MIS18BP1: variants seen among roughly 807,000 people sequenced by gnomAD.
MIS18BP1 encodes the protein MIS18 binding protein 1, also known as mis18-binding protein 1.
A neutral mutation model predicts 116.1 loss-of-function variants in MIS18BP1; 72 were observed. The ratio of observed to expected loss-of-function variants is 0.62; its 90% confidence interval spans 0.51 to 0.75. The LOEUF is 0.75. MIS18BP1 is among the 30% of genes least tolerant of loss of function. The pLI is 0.00. For synonymous variants in MIS18BP1, 386 were observed against 427.0 expected (o/e 0.90, Z 1.18); for missense variants, 1,363 against 1,303.2 (o/e 1.05, Z -0.71).
At chr14:45,206,393 C>G in intron 14 of MIS18BP1, 2 of 402,668 alleles carry the variant, frequency 5.0e-6, no homozygotes, top group Non-Finnish European at 9.1e-6. Context: ...CTCAAGTGAT[C>G]CTCCCAACTC....
chr14:45,221,303 C>G (rs954151864), intron 11 of MIS18BP1, among the ~76,000 whole-genome samples: 1 of 148,798 alleles, frequency 6.7e-6, no homozygotes, highest in African/African-American at 2.5e-5. Context: ...CCGGCGTGGT[C>G]GCGGGCGCCT....
intron 10 of MIS18BP1, 104 bp from the exon 11 acceptor site, chr14:45,224,850 T>A: frequency 3.3e-6 from 3 of 895,732 alleles, no homozygotes; most frequent in Non-Finnish European, 4.9e-6. Flanking sequence ...ACTATTTTTA[T>A]CCACGAGCTA....
At chr14:45,249,786 A>G (rs1891819135) in intron 1 of MIS18BP1, among the ~76,000 whole-genome samples, 1 of 152,050 alleles carries the variant, frequency 6.6e-6, no homozygotes, top group African/African-American at 2.4e-5. Flanking sequence ...CAGGAGAATC[A>G]CTTGAACCTG....
chr14:45,220,596 T>G (rs1412506284), intron 11 of MIS18BP1, among the ~76,000 whole-genome samples: 1 of 152,180 alleles, frequency 6.6e-6, no homozygotes, highest in East Asian at 1.9e-4. Flanking sequence ...ATATAGTGTA[T>G]AACCCTTTGA....
Position 45,204,400 on chromosome 14 carries a change from T to A in MIS18BP1, c.3294A>T (p.Thr1098=), listed in dbSNP as rs1374670527. Reference sequence around the variant, plus strand: ...AAAAGAAAGCTGTAAGTGTATTACCTGTGTTAAATGGGGTTTTCCTTCTTG... The same window carrying A: ...AAAAGAAAGCTGTAAGTGTATTACCAGTGTTAAATGGGGTTTTCCTTCTTG... ...PTPRRKTPFN[T]DLGENSGIGK... is the part of the protein sequence containing the mutation. Residue 1098 remains threonine (T), a splice_region_variant and synonymous_variant, in exon 16 of 17, where the codon ACA becomes ACT. Transcript: ENST00000310806. 5 of 1,605,102 alleles carry A rather than the reference T, an allele frequency of 3.1e-6. No individual in the cohort carries two copies. In the African/African-American group the frequency reaches 6.7e-5, roughly 22 times the overall value.
chr14:45,216,073 T>C (rs1441175890), intron 13 of MIS18BP1, among the ~76,000 whole-genome samples: 1 of 152,206 alleles, frequency 6.6e-6, no homozygotes, highest in African/African-American at 2.4e-5. Context: ...CATTTAATAT[T>C]TGTATTGTAT....
In MIS18BP1 at chr14:45,235,901, G is replaced by A. The variant is rs1891416222; in HGVS notation, c.1261C>T (p.Arg421Trp). ...IYWHSNVIIERIEHNKLRTIS... is the reference protein window; with the variant it reads ...IYWHSNVIIEWIEHNKLRTIS... ...GTCCTAAGTTTGTTGTGCTCAATCC[G>A]CTCTATAATTACATTACTGTGCCAA... Residue 421 changes from arginine to tryptophan, a missense_variant, in exon 6 of 17, where the codon CGG becomes TGG. Transcript: ENST00000310806. 1 of 1,610,968 alleles carries A rather than the reference G, an allele frequency of 6.2e-7. No individual in the cohort carries two copies. Among genetic ancestry groups the A allele is most frequent in the Non-Finnish European group, 8.5e-7 (1 of 1,178,440 alleles).
intron 9 of MIS18BP1, among the ~76,000 whole-genome samples, chr14:45,227,200 A>G (rs1480721834): frequency 1.3e-5 from 2 of 152,192 alleles, no homozygotes; most frequent in Non-Finnish European, 2.9e-5. Context: ...GTAAATGAAA[A>G]GCTGATACTT....
intron 1 of MIS18BP1, among the ~76,000 whole-genome samples, chr14:45,248,342 C>G (rs1057398137): frequency 1.3e-5 from 2 of 152,068 alleles, no homozygotes; most frequent in Non-Finnish European, 2.9e-5. Context: ...GCTGGGGTTA[C>G]AGGTGTGAGC....
At position 45,247,132 on chromosome 14, in the gene MIS18BP1, G is replaced by T; in HGVS notation, c.155C>A (p.Ser52Tyr). ...VKDLVKYQNS[S>Y]LKLNDHKKNQ... is the part of the protein sequence containing the mutation. The stretch of plus-strand genomic sequence containing the variant: ...CTTTTTATGGTCATTCAATTTTAAG[G>T]AGGAGTTCTGATATTTCACCAAATC... The change falls in exon 2 of 17, where the codon TCC becomes TAC. Residue 52 changes from serine to tyrosine, a missense_variant. Ser to Tyr is a moderately radical substitution (Grantham distance 144, BLOSUM62 -2). Coordinates refer to ENST00000310806, the MANE Select transcript of MIS18BP1 (RefSeq NM_018353.5). 6.3e-7 allele frequency: 1 copy of T among 1,597,706 alleles called. No homozygotes were observed. The highest frequency in any genetic ancestry group is 1.1e-5 in the South Asian group (1 of 89,912).
intron 5 of MIS18BP1, among the ~76,000 whole-genome samples, chr14:45,237,015 T>C (rs1891448168): frequency 1.4e-5 from 2 of 138,888 alleles, no homozygotes; most frequent in African/African-American, 6.5e-5. Context: ...GTTATAACTT[T>C]TTTTTTTTTT....
chr14:45,206,842 A>T (rs1269473322), intron 14 of MIS18BP1, among the ~76,000 whole-genome samples: 1 of 152,002 alleles, frequency 6.6e-6, no homozygotes, highest in Non-Finnish European at 1.5e-5. Context: ...TTGCTATACC[A>T]TTATCTCTCC....
chr14:45,249,394 A>C (rs1034847168), intron 1 of MIS18BP1, among the ~76,000 whole-genome samples: 1 of 151,566 alleles, frequency 6.6e-6, no homozygotes, highest in African/African-American at 2.4e-5. Flanking sequence ...GTTTTTTTAC[A>C]TTTTTTTGTA....
Position 45,231,372 on chromosome 14 carries a change from T to G in MIS18BP1, c.1437-74A>C, listed in dbSNP as rs1467342222. The G allele has an allele frequency of 3.7e-6, 5 of 1,346,666 alleles. No homozygotes were observed. In the East Asian group the frequency reaches 1.2e-4, roughly 33 times the overall value. 83.4% of individuals were successfully genotyped at this position (1,346,666 alleles called of 1,614,324 possible). ...ACAAAACAAAAAAAATCTTCATAAA[T>G]AAATAAAAACCCCTCACATAAAGCT... On this transcript the variant is annotated intron_variant, in intron 7 of 16. Coordinates refer to ENST00000310806, the MANE Select transcript of MIS18BP1 (RefSeq NM_018353.5).
Position 45,218,386 on chromosome 14 carries a change from C to A in MIS18BP1, c.2738G>T (p.Arg913Leu). ...TTTCCTCTGGCATTCTTCAGGAGAT[C>A]GAGAACCTACAGCCGCAGCTACCTC... ...WSEVAAAVGS[R>L]SPEECQRKYM... Residue 913 changes from arginine to leucine, a missense_variant, in exon 12 of 17, where the codon CGA (arginine) becomes CTA (leucine). By Grantham distance (102) the Arg-to-Leu change is moderately radical (BLOSUM62 -2). Transcript: ENST00000310806. 6.2e-7 allele frequency: 1 copy of A among 1,613,900 alleles called. No homozygotes were observed. Among genetic ancestry groups the A allele is most frequent in the Non-Finnish European group, 8.5e-7 (1 of 1,179,980 alleles).
At chr14:45,218,503 C>A in intron 11 of MIS18BP1, 49 bp from the exon 12 acceptor site, 1 of 1,504,534 alleles carries the variant, frequency 6.6e-7, no homozygotes, top group Non-Finnish European at 8.9e-7. Flanking sequence ...AAACCAATGA[C>A]AATAACCTCT....
At chr14:45,241,962 A>G in intron 4 of MIS18BP1, 72 bp downstream of exon 4, 1 of 1,456,384 alleles carries the variant, frequency 6.9e-7, no homozygotes, top group Non-Finnish European at 9.2e-7. Context: ...TAATGAGAGA[A>G]CATTAAAAGC....
chr14:45,239,463 G>A (rs917173120), intron 4 of MIS18BP1, among the ~76,000 whole-genome samples: 3 of 151,484 alleles, frequency 2.0e-5, no homozygotes, highest in Admixed American at 6.6e-5. Flanking sequence ...TAAGCACAGA[G>A]AGTCAGCGCA....
chr14:45,246,588 G>A (rs762090536), intron 2 of MIS18BP1, among the ~76,000 whole-genome samples, 155 bp downstream of exon 2: 1 of 152,074 alleles, frequency 6.6e-6, no homozygotes, highest in Non-Finnish European at 1.5e-5. Context: ...TATTTAATAT[G>A]TTAATTATGT....
Sources: allele counts gnomAD v4.1 joint callset (sites outside exome capture counted in the v4.1 genomes callset), GRCh38; gene constraint gnomAD v4.1.1; transcripts MANE v1.5; gene names NCBI Gene and HGNC (gene_info 2026-07-23, HGNC 2026-07-21).